Variants in PRELID2 observed in about 807,000 individuals in gnomAD.
PRELID2 encodes PRELI domain containing 2.
A neutral mutation model predicts 28.4 loss-of-function variants in PRELID2; 25 were observed. That is an observed-to-expected ratio of 0.88 (90% CI 0.64 to 1.23). The LOEUF is 1.23. Ranked by LOEUF, PRELID2 falls within the 50% of genes most tolerant of loss-of-function variation. The probability of loss-of-function intolerance (pLI) is 0.00; values close to 1 mark genes in which losing one functional copy is unlikely to be tolerated. For synonymous variants in PRELID2, 76 were observed against 71.6 expected (o/e 1.06, Z -0.31); for missense variants, 201 against 214.4 (o/e 0.94, Z 0.39).
rs572652437 is a variant in PRELID2 at position 145,743,605 on chromosome 5, C to T, written n.70+21326G>A. Reference sequence around the variant, plus strand: ...AGAAAGCCACACGGGGAATCCCCACCCCCCAGCCAAGGGAGGTAGTGAGTG... The same window carrying T: ...AGAAAGCCACACGGGGAATCCCCACTCCCCAGCCAAGGGAGGTAGTGAGTG... On this transcript the variant is annotated intron_variant and non_coding_transcript_variant, in intron 1 of 2. Transcript: ENST00000510259. 1.3e-3 allele frequency among the ~76,000 whole-genome samples: 192 copies of T among 151,292 alleles called. 1 individual carries two copies. Among genetic ancestry groups the T allele is most frequent in the African/African-American group, 4.3e-3 (177 of 41,246 alleles).
intron 1 of PRELID2, among the ~76,000 whole-genome samples, chr5:145,736,751 T>A (rs1233088400): frequency 6.6e-6 from 1 of 152,188 alleles, no homozygotes; most frequent in African/African-American, 2.4e-5. Flanking sequence ...GAAAAACTCT[T>A]CATCAGCTTC....
At chr5:145,261,716 C>T in the PRELID2 span, among the ~76,000 whole-genome samples, 2 of 152,158 alleles carry the variant, frequency 1.3e-5, no homozygotes. Context: ...CTGATCTTCC[C>T]TCTGACATAG....
intron 1 of PRELID2, among the ~76,000 whole-genome samples, chr5:145,658,544 T>C (rs1287306622): frequency 6.6e-6 from 1 of 152,168 alleles, no homozygotes; most frequent in East Asian, 1.9e-4. Context: ...GAGTACTTGC[T>C]CAGTTAGTTC....
the PRELID2 span, among the ~76,000 whole-genome samples, chr5:145,427,410 T>C: frequency 6.6e-6 from 1 of 151,930 alleles, no homozygotes; most frequent in Non-Finnish European, 1.5e-5. Context: ...AGCCTTAATA[T>C]TTTTTTTATT....
In PRELID2 at chr5:145,823,117, A is replaced by G. The variant is rs757855509; in HGVS notation, c.93T>C (p.Asp31=). 3 of 1,532,636 alleles carry G rather than the reference A, an allele frequency of 2.0e-6. No homozygotes were observed. The allele number at this position is 1,532,636 out of a possible 1,614,324, so 94.9% of individuals were successfully genotyped here. A position where few individuals can be genotyped will look rare whatever the true frequency, so the allele number is the denominator to read the frequency against. ...SFLRKYPNPM[D]KNVISVKIME... The stretch of plus-strand genomic sequence containing the variant: ...TGATTTTTACTGAGATGACATTTTT[A>G]TCCATGGGGTTGGGGTACTAAACAA... The change falls in exon 2 of 7, where the codon GAT becomes GAC. Residue 31 remains aspartate (D), a synonymous_variant. Transcript: ENST00000683046.
chr5:145,676,310 C>T (rs561825732), intron 1 of PRELID2, among the ~76,000 whole-genome samples: 71 of 151,586 alleles, frequency 4.7e-4, no homozygotes, highest in African/African-American at 1.7e-3. Flanking sequence ...GCAGCCAAGG[C>T]GGGCAGATCA....
At chr5:145,481,667 A>AAAGT (rs1160354689) in intron 1 of PRELID2, among the ~76,000 whole-genome samples, 4 of 150,302 alleles carry the variant, frequency 2.7e-5, no homozygotes, top group Admixed American at 2.7e-4. Flanking sequence ...AGAAAGAAAG[A>AAAGT]AAGAAAGAAA....
chr5:145,238,015 G>A, the PRELID2 span, among the ~76,000 whole-genome samples: 1 of 152,066 alleles, frequency 6.6e-6, no homozygotes, highest in African/African-American at 2.4e-5. Context: ...ATTTCATGTG[G>A]TAATCAGGCA....
At chr5:145,739,588 CTTCTT>C (rs1756593485) in intron 1 of PRELID2, among the ~76,000 whole-genome samples, 1 of 151,836 alleles carries the variant, frequency 6.6e-6, no homozygotes, top group Admixed American at 6.6e-5. Context: ...TAAACTTTCT[CTTCTT>C]GAGTCTTCTA....
the PRELID2 span, among the ~76,000 whole-genome samples, chr5:145,267,798 T>G: frequency 6.6e-6 from 1 of 152,180 alleles, no homozygotes; most frequent in Non-Finnish European, 1.5e-5. Context: ...TTGCTTTTTC[T>G]GCACAACCTC....
chr5:145,538,118 T>C (rs1429144978), intron 1 of PRELID2, among the ~76,000 whole-genome samples: 2 of 151,970 alleles, frequency 1.3e-5, no homozygotes, highest in Non-Finnish European at 2.9e-5. Context: ...TGTGTGTTCT[T>C]GGCATCTCTA....
chr5:145,571,148 C>T (rs189463678), intron 1 of PRELID2, among the ~76,000 whole-genome samples: 2 of 152,202 alleles, frequency 1.3e-5, no homozygotes, highest in East Asian at 3.9e-4. Context: ...GCTTAATTCC[C>T]CAGGTTCAAA....
intron 1 of PRELID2, among the ~76,000 whole-genome samples, chr5:145,824,128 C>G (rs1172366611): frequency 1.3e-5 from 2 of 152,064 alleles, no homozygotes; most frequent in Non-Finnish European, 2.9e-5. Flanking sequence ...ACACTGGGAG[C>G]AGAAGTGACC....
chr5:145,284,536 C>T, the PRELID2 span, among the ~76,000 whole-genome samples: 1 of 151,902 alleles, frequency 6.6e-6, no homozygotes, highest in South Asian at 2.1e-4. Flanking sequence ...AAAGGAAGGG[C>T]CTCTATCTGT....
chr5:145,615,578 G>A (rs186836580), intron 1 of PRELID2, among the ~76,000 whole-genome samples: 1,496 of 117,250 alleles, frequency 0.013, 241 homozygotes, highest in African/African-American at 0.056. Flanking sequence ...TGCCCGCCTC[G>A]GCCTCCCAAA....
At chr5:145,740,626 ATTATATATATAAATATATATATT>A (rs1756655556) in intron 1 of PRELID2, among the ~76,000 whole-genome samples, 3 of 14,470 alleles carry the variant, frequency 2.1e-4, no homozygotes, top group East Asian at 0.038. Context: ...ATATATATAT[ATTATATATATAAATATATATATT>A]TTATATATAA....
At chr5:145,664,666 AG>A (rs1305184662) in intron 1 of PRELID2, among the ~76,000 whole-genome samples, 1 of 152,050 alleles carries the variant, frequency 6.6e-6, no homozygotes, top group African/African-American at 2.4e-5. Flanking sequence ...CTCCAGTGAA[AG>A]CTCTCACTGT....
chr5:145,828,776 C>G (rs1343274579), intron 1 of PRELID2, among the ~76,000 whole-genome samples: 6 of 151,030 alleles, frequency 4.0e-5, no homozygotes, highest in African/African-American at 1.5e-4. Context: ...TCCTCTGTCC[C>G]TTTTGACAGT....
At chr5:145,285,641 CACA>C in the PRELID2 span, among the ~76,000 whole-genome samples, 17 of 152,134 alleles carry the variant, frequency 1.1e-4, no homozygotes, top group African/African-American at 3.1e-4. Context: ...AAACAACAAC[CACA>C]ACAACAACAA....
Sources: gnomAD v4.1 joint callset for allele counts (sites outside exome capture counted in the v4.1 genomes callset) on GRCh38, gnomAD v4.1.1 for gene constraint, MANE v1.5 for transcripts, NCBI Gene and HGNC (gene_info 2026-07-23, HGNC 2026-07-21) for gene names.